Variants in CDK5RAP2 observed in about 807,000 individuals in gnomAD.
CDK5RAP2 encodes CDK5 regulatory subunit associated protein 2, also known as CDK5 regulatory subunit-associated protein 2.
In CDK5RAP2, 147 loss-of-function variants were observed where a neutral mutation model predicts 232.9. The ratio of observed to expected loss-of-function variants is 0.63; its 90% CI spans 0.55 to 0.72. The LOEUF (loss-of-function observed/expected upper bound fraction) is 0.72, where lower values mean the gene tolerates loss of function less well. Among genes scored for constraint, CDK5RAP2 ranks in the 30% least tolerant of loss-of-function variants. The pLI is 0.00. For synonymous variants in CDK5RAP2, 833 were observed against 833.7 expected (o/e 1.00, Z 0.01); for missense variants, 2,195 against 2,231.5 (o/e 0.98, Z 0.33).
chr9:120,457,732 G>A (rs190671021), intron 20 of CDK5RAP2, among the ~76,000 whole-genome samples: 116 of 152,302 alleles, frequency 7.6e-4, no homozygotes, highest in Non-Finnish European at 1.4e-3. Context: ...TTCAGGAGGA[G>A]AACTAAAAAC....
At chr9:120,432,849 C>T (rs1342341733) in intron 25 of CDK5RAP2, among the ~76,000 whole-genome samples, 1 of 152,204 alleles carries the variant, frequency 6.6e-6, no homozygotes, top group Admixed American at 6.5e-5. Flanking sequence ...GAGTGAGAGC[C>T]TTCAAGAAGA....
intron 7 of CDK5RAP2, among the ~76,000 whole-genome samples, chr9:120,532,168 T>C (rs984506531): frequency 6.6e-6 from 1 of 152,246 alleles, no homozygotes; most frequent in Middle Eastern, 3.4e-3. Flanking sequence ...GCCAATCTCC[T>C]AGGTTTTAAA....
intron 28 of CDK5RAP2, among the ~76,000 whole-genome samples, chr9:120,412,058 T>C (rs548879496): frequency 6.6e-6 from 1 of 152,346 alleles, no homozygotes; most frequent in South Asian, 2.1e-4. Context: ...GCCTTATCAC[T>C]TTACTCTCTA....
chr9:120,430,192 T>C lies in CDK5RAP2; in HGVS notation c.3955+7103A>G, dbSNP rs948358596. On this transcript the variant is annotated intron_variant, in intron 25 of 37. Transcript: ENST00000349780. ...AACCTAGGCATTACTATTCAGGACA[T>C]AGGCATGGGCAAGGACTTCATGTCT... Among the ~76,000 whole-genome samples the C allele has an allele frequency of 1.3e-3, 193 of 152,292 alleles. 2 individuals are homozygous for C. The highest frequency in any genetic ancestry group is 3.9e-3 in the African/African-American group (164 of 41,552).
chr9:120,524,653 T>A (rs1051488413), intron 11 of CDK5RAP2, among the ~76,000 whole-genome samples: 1 of 150,840 alleles, frequency 6.6e-6, no homozygotes, highest in Non-Finnish European at 1.5e-5. Flanking sequence ...AAAAAAAAAA[T>A]TTAAAAACAC....
At chr9:120,460,755 T>C in intron 18 of CDK5RAP2, 88 bp from the exon 19 acceptor site, 5 of 1,568,614 alleles carry the variant, frequency 3.2e-6, no homozygotes, top group Non-Finnish European at 3.4e-6. Flanking sequence ...TGTCTTTTTT[T>C]TTTTAATGCA....
rs549157876 is a variant in CDK5RAP2, at chr9:120,503,988, G to A, written c.1312-12511C>T. Among the ~76,000 whole-genome samples, 8 of 152,206 alleles carry A rather than the reference G, an allele frequency of 5.3e-5. No individual in the cohort carries two copies. The East Asian group carries it at 1.5e-3, about 29-fold the overall frequency. On this transcript the variant is annotated intron_variant, in intron 12 of 37. Transcript: ENST00000349780. ...CTGGGAGATGAAAAGCGAGGATTTGGTGCTTTTCATGGCCAAGAGTGTCCA... is the reference window on the plus strand; with the variant it reads ...CTGGGAGATGAAAAGCGAGGATTTGATGCTTTTCATGGCCAAGAGTGTCCA...
At chr9:120,558,371 CAAAAAAAAAAAAAA>C (rs60669308) in intron 3 of CDK5RAP2, among the ~76,000 whole-genome samples, 23 of 40,078 alleles carry the variant, frequency 5.7e-4, no homozygotes, top group East Asian at 3.1e-3. Flanking sequence ...GACTCCGTCT[CAAAAAAAAAAAAAA>C]AAAAAAAAAA....
intron 21 of CDK5RAP2, among the ~76,000 whole-genome samples, chr9:120,452,757 G>A (rs990406826): frequency 2.0e-5 from 3 of 151,752 alleles, no homozygotes; most frequent in African/African-American, 4.8e-5. Flanking sequence ...CAACAAACCC[G>A]GGTTGGAAGG....
intron 19 of CDK5RAP2, among the ~76,000 whole-genome samples, chr9:120,459,612 C>T (rs1159936793): frequency 2.0e-5 from 3 of 152,196 alleles, no homozygotes; most frequent in Non-Finnish European, 2.9e-5. Context: ...GCACTTATTA[C>T]ATGCCTTTCT....
chr9:120,390,662 C>A (rs2031860085), intron 36 of CDK5RAP2, among the ~76,000 whole-genome samples: 1 of 152,152 alleles, frequency 6.6e-6, no homozygotes, highest in African/African-American at 2.4e-5. Context: ...CTGTTCTCAA[C>A]AGGGCTTGGT....
chr9:120,464,368 C>T (rs532239697), intron 18 of CDK5RAP2, among the ~76,000 whole-genome samples: 1 of 152,334 alleles, frequency 6.6e-6, no homozygotes, highest in East Asian at 1.9e-4. Context: ...TGCCCCTCTG[C>T]TTCTCTGGAT....
At chr9:120,423,562 T>C (rs2034698766) in intron 25 of CDK5RAP2, among the ~76,000 whole-genome samples, 1 of 152,234 alleles carries the variant, frequency 6.6e-6, no homozygotes, top group Non-Finnish European at 1.5e-5. Context: ...TCTTCCTGCA[T>C]GTTATCATTT....
intron 25 of CDK5RAP2, among the ~76,000 whole-genome samples, chr9:120,433,669 G>T (rs2035410354): frequency 6.6e-6 from 1 of 152,140 alleles, no homozygotes; most frequent in Non-Finnish European, 1.5e-5. Flanking sequence ...CTAATACATT[G>T]TGCTTCCAAG....
intron 3 of CDK5RAP2, among the ~76,000 whole-genome samples, chr9:120,555,257 G>A (rs1044871604): frequency 3.3e-5 from 5 of 152,002 alleles, no homozygotes; most frequent in African/African-American, 1.2e-4. Context: ...TCAGCCTCCT[G>A]AGCAGCTGGG....
At chr9:120,415,412 C>T (rs544990082) in intron 27 of CDK5RAP2, among the ~76,000 whole-genome samples, 54 of 152,274 alleles carry the variant, frequency 3.5e-4, no homozygotes, top group African/African-American at 1.3e-3. Context: ...ATATTCCATA[C>T]AATTTTAATG....
chr9:120,458,662 G>A (rs747425797), intron 19 of CDK5RAP2, 40 bp from the exon 20 acceptor site: 4 of 1,580,670 alleles, frequency 2.5e-6, no homozygotes, highest in Non-Finnish European at 3.5e-6. Context: ...GGAATAAGGA[G>A]GAAGGGAATG....
At position 120,453,568 on chromosome 9, in the gene CDK5RAP2, C is replaced by G. The variant is rs769650511; in HGVS notation, c.2681G>C (p.Trp894Ser). 1.6e-5 allele frequency: 26 copies of G among 1,614,002 alleles called. No homozygotes were observed. Among genetic ancestry groups the G allele is most frequent in the Non-Finnish European group, 2.1e-5 (25 of 1,180,032 alleles). The change falls in exon 21 of 38, where the codon TGG becomes TCG. Residue 894 changes from tryptophan (W) to serine (S), a missense_variant. Transcript: ENST00000349780. ...TGCAGTGTTGATCGGTTTCTCTTCC[C>G]AAGCCTCTCTTGTTGCTTCATGCTT... ...RFKHEATREA[W>S]EEKPINTALS...
intron 3 of CDK5RAP2, among the ~76,000 whole-genome samples, chr9:120,556,308 G>T (rs1268276464): frequency 6.6e-6 from 1 of 151,858 alleles, no homozygotes; most frequent in East Asian, 1.9e-4. Flanking sequence ...AATGAAATAG[G>T]GCAAAATGTG....
Sources: allele counts gnomAD v4.1 joint callset (sites outside exome capture counted in the v4.1 genomes callset), GRCh38; gene constraint gnomAD v4.1.1; transcripts MANE v1.5; gene names NCBI Gene and HGNC (gene_info 2026-07-23, HGNC 2026-07-21).